The following ANKRD45 variants were observed in gnomAD, a reference collection of about 807,000 sequenced individuals.
ANKRD45 encodes ankyrin repeat domain 45.
In ANKRD45, 21 loss-of-function variants were observed where a neutral mutation model predicts 28.1. That is an observed-to-expected ratio of 0.75 (90% CI 0.53 to 1.08). The LOEUF is 1.08. ANKRD45 is among the 50% of genes least tolerant of loss of function. The pLI, the probability that ANKRD45 is intolerant of heterozygous loss-of-function variation, is 0.00. For synonymous variants in ANKRD45, 86 were observed against 103.9 expected (o/e 0.83, Z 1.05); for missense variants, 261 against 308.7 (o/e 0.85, Z 1.16).
chr1:173,648,489 T>C (rs867951248), intron 2 of ANKRD45, among the ~76,000 whole-genome samples: 72 of 152,370 alleles, frequency 4.7e-4, no homozygotes, highest in African/African-American at 1.7e-3. Context: ...CTTTGTCATA[T>C]GGACAGGCTT....
chr1:173,647,160 A>C, intron 2 of ANKRD45, 147 bp from the exon 3 acceptor site: 7 of 677,996 alleles, frequency 1.0e-5, no homozygotes, highest in South Asian at 3.5e-5. Context: ...TAGAAAACTC[A>C]TTTAGTTTTA....
chr1:173,635,786 G>A (rs532208235), intron 3 of ANKRD45: 40 of 1,535,244 alleles, frequency 2.6e-5, no homozygotes, highest in Middle Eastern at 1.7e-4. Context: ...TGTCTTCTTC[G>A]TCTTATTTGT....
chr1:173,682,643 G>A, the ANKRD45 span, among the ~76,000 whole-genome samples: 110 of 150,402 alleles, frequency 7.3e-4, 1 homozygote, highest in Middle Eastern at 3.4e-3. Context: ...GAAAAAGGAC[G>A]AGGTTCTAGG....
intron 5 of ANKRD45, among the ~76,000 whole-genome samples, chr1:173,621,984 A>G (rs537672418): frequency 2.0e-5 from 3 of 152,344 alleles, no homozygotes; most frequent in African/African-American, 7.2e-5. Flanking sequence ...TCAATGTGCA[A>G]AAATTGCTAG....
chr1:173,660,396 A>G (rs1669726189), intron 1 of ANKRD45, among the ~76,000 whole-genome samples: 1 of 152,206 alleles, frequency 6.6e-6, no homozygotes, highest in Non-Finnish European at 1.5e-5. Flanking sequence ...TTCACACAAA[A>G]TGGTATATAA....
rs989267455 is a variant in ANKRD45 at position 173,659,259 on chromosome 1, T to C, written c.160A>G (p.Ile54Val). 1 of 1,614,126 alleles carries C rather than the reference T, an allele frequency of 6.2e-7. No individual in the cohort carries two copies. The highest frequency in any genetic ancestry group is 8.5e-7 in the Non-Finnish European group (1 of 1,180,020). ...TGAGGATTCTCAGGATCCTCAAATA[T>C]CTTCTGCAAACCCTCTACATCCCCT... ...LTGDVEGLQK[I>V]FEDPENPHHE... Residue 54 changes from isoleucine to valine, a missense_variant, in exon 2 of 6, where the codon ATA (isoleucine) becomes GTA (valine). Transcript: ENST00000333279.
chr1:173,615,292 G>A (rs1288922941), intron 5 of ANKRD45, among the ~76,000 whole-genome samples: 1 of 151,418 alleles, frequency 6.6e-6, no homozygotes. Context: ...GGCTGAGGCA[G>A]GAGAATCGCT....
At chr1:173,624,464 G>T (rs1167894721) in intron 5 of ANKRD45, among the ~76,000 whole-genome samples, 1 of 150,476 alleles carries the variant, frequency 6.6e-6, no homozygotes, top group African/African-American at 2.5e-5. Context: ...CCCAGCCTGG[G>T]TAACAGAGGA....
At chr1:173,671,543 G>A (rs544973808), upstream of ANKRD45, among the ~76,000 whole-genome samples, 9 of 152,184 alleles carry the variant, frequency 5.9e-5, no homozygotes, top group South Asian at 1.7e-3. Flanking sequence ...AATCAGGGGA[G>A]AAGGGACGCA....
chr1:173,709,047 C>T, the ANKRD45 span, among the ~76,000 whole-genome samples: 4 of 152,190 alleles, frequency 2.6e-5, no homozygotes, highest in African/African-American at 9.7e-5. Flanking sequence ...CTAATTTCAC[C>T]AGCTTTGTGT....
intron 2 of ANKRD45, 103 bp downstream of exon 2, chr1:173,658,971 TATATACACATATATGTA>T (rs1482474955): frequency 7.3e-7 from 1 of 1,372,488 alleles, no homozygotes; most frequent in African/African-American, 1.5e-5. Context: ...CATATAGATG[TATATACACATATATGTA>T]AAGTATAAAA....
chr1:173,697,190 T>C, the ANKRD45 span, among the ~76,000 whole-genome samples: 3 of 152,314 alleles, frequency 2.0e-5, no homozygotes, highest in East Asian at 1.9e-4. Flanking sequence ...CTACATTTGA[T>C]TGGTGTACCT....
intron 2 of ANKRD45, among the ~76,000 whole-genome samples, chr1:173,654,877 C>G (rs1426202221): frequency 6.6e-6 from 1 of 152,208 alleles, no homozygotes; most frequent in African/African-American, 2.4e-5. Flanking sequence ...CTTTCTTCCA[C>G]TTGATCGAAT....
chr1:173,683,626 A>C, the ANKRD45 span, among the ~76,000 whole-genome samples: 1 of 152,196 alleles, frequency 6.6e-6, no homozygotes, highest in Non-Finnish European at 1.5e-5. Flanking sequence ...CAGCACCTCC[A>C]GTCAGAATCC....
chr1:173,712,373 T>G, the ANKRD45 span, among the ~76,000 whole-genome samples: 1 of 152,220 alleles, frequency 6.6e-6, no homozygotes, highest in Non-Finnish European at 1.5e-5. Flanking sequence ...CTCTACTTCA[T>G]AACTAGCTGT....
the ANKRD45 span, among the ~76,000 whole-genome samples, chr1:173,710,015 AC>A: frequency 6.6e-6 from 1 of 152,160 alleles, no homozygotes; most frequent in Non-Finnish European, 1.5e-5. Context: ...TCAATTTTAT[AC>A]TGTCTGTCTC....
At chr1:173,665,830 G>A (rs1006765714) in intron 1 of ANKRD45, among the ~76,000 whole-genome samples, 12 of 151,938 alleles carry the variant, frequency 7.9e-5, no homozygotes, top group Admixed American at 1.3e-4. Context: ...GCAACACAGC[G>A]AAACCCCATC....
chr1:173,634,722 T>C (rs1418965544), intron 3 of ANKRD45, among the ~76,000 whole-genome samples: 2 of 151,982 alleles, frequency 1.3e-5, no homozygotes, highest in African/African-American at 2.4e-5. Context: ...TATTTATTTT[T>C]TATAATAAAA....
intron 2 of ANKRD45, among the ~76,000 whole-genome samples, chr1:173,656,302 T>C (rs964265530): frequency 6.6e-6 from 1 of 152,266 alleles, no homozygotes; most frequent in Non-Finnish European, 1.5e-5. Flanking sequence ...CATTTTGTTA[T>C]GAATAAGATC....
Sources: allele counts gnomAD v4.1 joint callset (sites outside exome capture counted in the v4.1 genomes callset), GRCh38; gene constraint gnomAD v4.1.1; transcripts MANE v1.5; gene names NCBI Gene and HGNC (gene_info 2026-07-23, HGNC 2026-07-21).